The following PCDHGB7 variants were observed in gnomAD, a reference collection of about 807,000 sequenced individuals.
The protein encoded by PCDHGB7 is protocadherin gamma-B7.
A neutral mutation model predicts 61.4 loss-of-function variants in PCDHGB7; 37 were observed. That is an observed-to-expected ratio of 0.60 (90% CI 0.46 to 0.79). The LOEUF (loss-of-function observed/expected upper bound fraction) is 0.79. Among genes scored for constraint, PCDHGB7 ranks in the 30% least tolerant of loss-of-function variants. The pLI is 0.00. For missense variants in PCDHGB7, 1,166 were observed against 1,202.5 expected, an observed-to-expected ratio of 0.97 and a Z score of 0.45; for synonymous variants, 464 against 503.5, an observed-to-expected ratio of 0.92 and a Z score of 1.05.
At position 141,491,410 on chromosome 5, in the gene PCDHGB7, G is replaced by A. The variant is rs777207581; in HGVS notation, c.2416-3397G>A. The A allele has an allele frequency of 1.9e-6, 3 of 1,614,024 alleles. No homozygotes were observed. Among genetic ancestry groups the A allele is most frequent in the Admixed American group, 1.7e-5 (1 of 60,006 alleles). ...GTGCCTTCAGGGAAACGCAGACGGGGACGGGGGTGGAGGGCAGTGCTGCAG... is the reference window on the plus strand; with the variant it reads ...GTGCCTTCAGGGAAACGCAGACGGGAACGGGGGTGGAGGGCAGTGCTGCAG... On this transcript the variant is annotated intron_variant, in intron 1 of 3. Transcript: ENST00000398594. The surrounding 1 kb of genome is among the most constrained non-coding windows in gnomAD (Gnocchi z 6.9).
At chr5:141,499,620 G>A (rs557854340) in intron 2 of PCDHGB7, among the ~76,000 whole-genome samples, 1 of 150,986 alleles carries the variant, frequency 6.6e-6, no homozygotes, top group Non-Finnish European at 1.5e-5. Context: ...TCCTGTCCTT[G>A]GATTCTTTTG....
chr5:141,504,496 G>C (rs2099838771), intron 2 of PCDHGB7, among the ~76,000 whole-genome samples: 1 of 152,100 alleles, frequency 6.6e-6, no homozygotes, highest in Non-Finnish European at 1.5e-5. Flanking sequence ...CACCTGCCCA[G>C]TCTGAGTGGA....
intron 1 of PCDHGB7, chr5:141,422,092 G>C: frequency 6.2e-7 from 1 of 1,611,520 alleles, no homozygotes; most frequent in Non-Finnish European, 8.5e-7. Flanking sequence ...GGAAAGCAAG[G>C]CTTCTGAAAT....
At chr5:141,471,801 CAT>C (rs1165290367) in intron 1 of PCDHGB7, among the ~76,000 whole-genome samples, 1 of 152,114 alleles carries the variant, frequency 6.6e-6, no homozygotes, top group African/African-American at 2.4e-5. Context: ...ATATAAAAGA[CAT>C]ATAAAAGACT....
Position 141,476,480 on chromosome 5 carries a change from G to A in PCDHGB7, c.2416-18327G>A, listed in dbSNP as rs761828753. 1 of 1,614,108 alleles carries A rather than the reference G, an allele frequency of 6.2e-7. No individual in the cohort carries two copies. The highest frequency in any genetic ancestry group is 2.2e-5 in the East Asian group (1 of 44,846). On this transcript the variant is annotated intron_variant, in intron 1 of 3. Transcript: ENST00000398594. This position sits in a 1 kb window ranked among gnomAD's most constrained non-coding sequence, Gnocchi z 7.6. ...GAACCCGCTGGAGCTGTTCAGCGTG[G>A]AAGTGGTGATCCAGGACATCAACGA...
intron 1 of PCDHGB7, chr5:141,428,158 G>A: frequency 6.3e-7 from 1 of 1,577,728 alleles, no homozygotes; most frequent in Non-Finnish European, 8.7e-7. Context: ...GGAACCTGCT[G>A]GTTGCTGTGC....
intron 1 of PCDHGB7, among the ~76,000 whole-genome samples, chr5:141,437,807 G>T (rs910427301): frequency 6.7e-6 from 1 of 149,476 alleles, no homozygotes; most frequent in Non-Finnish European, 1.5e-5. Flanking sequence ...GCACTATCTT[G>T]GCTCACTGCA....
intron 1 of PCDHGB7, chr5:141,423,134 G>A: frequency 6.2e-7 from 1 of 1,613,680 alleles, no homozygotes; most frequent in South Asian, 1.1e-5. Flanking sequence ...CTGCTGGACA[G>A]AGACGCGCTC....
Position 141,418,405 on chromosome 5 carries a change from G to T in PCDHGB7, c.546G>T (p.Glu182Asp). Residue 182 changes from glutamate (E) to aspartate (D), a missense_variant, in exon 1 of 4, where the codon GAG becomes GAT. Coordinates refer to ENST00000398594, the MANE Select transcript of PCDHGB7 (RefSeq NM_018927.4). ...CTAACGAGTATTTCTCATTGGTGGA[G>T]AAAGACAATCCTGATGGTGGCAAAT... ...LSPNEYFSLV[E>D]KDNPDGGKYP... 1 of 1,614,020 alleles carries T rather than the reference G, an allele frequency of 6.2e-7. No individual in the cohort carries two copies. The highest frequency in any genetic ancestry group is 1.3e-5 in the African/African-American group (1 of 75,056).
chr5:141,500,277 C>T (rs1595660442), intron 2 of PCDHGB7, among the ~76,000 whole-genome samples: 1 of 151,718 alleles, frequency 6.6e-6, no homozygotes, highest in Non-Finnish European at 1.5e-5. Context: ...GGCGCAATCT[C>T]GGCTCACTGC....
chr5:141,497,323 G>A lies in PCDHGB7; in HGVS notation c.2474+2458G>A, dbSNP rs373068300. Reference sequence around the variant, plus strand: ...CAGGCCATACACTGGCTTTGAAGCAGAATTCACCATTGAACCTGGAAGCCC... The same window carrying A: ...CAGGCCATACACTGGCTTTGAAGCAAAATTCACCATTGAACCTGGAAGCCC... On this transcript the variant is annotated intron_variant, in intron 2 of 3. Transcript: ENST00000398594. 1.2e-4 allele frequency among the ~76,000 whole-genome samples: 19 copies of A among 152,204 alleles called. No homozygotes were observed. In the East Asian group the frequency reaches 3.5e-3, roughly 28 times the overall value.
chr5:141,432,271 C>T lies in PCDHGB7; in HGVS notation c.2415+11997C>T. On this transcript the variant is annotated intron_variant, in intron 1 of 3. Transcript: ENST00000398594. The surrounding 1 kb of genome is among the most constrained non-coding windows in gnomAD (Gnocchi z 6.0). ...TCCAAGGGGCAAGCCTATCGTCCTA[C>T]GTGTCCATCAACTCCGACACTGGGG... is the stretch of plus-strand genomic sequence containing the variant. The T allele has an allele frequency of 6.2e-7, 1 of 1,614,264 alleles. No individual in the cohort carries two copies. Among genetic ancestry groups the T allele is most frequent in the Non-Finnish European group, 8.5e-7 (1 of 1,180,050 alleles).
chr5:141,429,379 T>G (rs573911129), intron 1 of PCDHGB7, among the ~76,000 whole-genome samples: 5 of 151,382 alleles, frequency 3.3e-5, no homozygotes, highest in East Asian at 1.9e-4. Context: ...GAAAATGTGT[T>G]TTTTTTTTAA....
intron 1 of PCDHGB7, chr5:141,441,671 C>A (rs1027440120): frequency 7.0e-6 from 2 of 287,530 alleles, no homozygotes; most frequent in South Asian, 2.9e-5. Flanking sequence ...GCGCACAGTG[C>A]GCCTTCGACC....
In PCDHGB7 at chr5:141,432,293, G is replaced by C. The variant is rs765631138; in HGVS notation, c.2415+12019G>C. Reference sequence around the variant, plus strand: ...CTACGTGTCCATCAACTCCGACACTGGGGTACTGTATGCGCTGAGCTCCTT... The same window carrying C: ...CTACGTGTCCATCAACTCCGACACTCGGGTACTGTATGCGCTGAGCTCCTT... On this transcript the variant is annotated intron_variant, in intron 1 of 3. Coordinates refer to ENST00000398594, the MANE Select transcript of PCDHGB7 (RefSeq NM_018927.4). This position sits in a 1 kb window ranked among gnomAD's most constrained non-coding sequence, Gnocchi z 6.0. 6.2e-7 allele frequency: 1 copy of C among 1,614,254 alleles called. No individual in the cohort carries two copies.
intron 1 of PCDHGB7, among the ~76,000 whole-genome samples, chr5:141,460,758 C>T (rs1292050905): frequency 6.6e-6 from 1 of 150,582 alleles, no homozygotes; most frequent in African/African-American, 2.4e-5. Context: ...TGTACATATA[C>T]ATATTGCATA....
rs779792543 is a variant in PCDHGB7 at position 141,486,994 on chromosome 5, C to T, written c.2416-7813C>T. ...ATTCAGGTTACAATGCTTGGGTTTCCTATCAGCTCCTGGAGGCCCCAGATC... is the reference window on the plus strand; with the variant it reads ...ATTCAGGTTACAATGCTTGGGTTTCTTATCAGCTCCTGGAGGCCCCAGATC... On this transcript the variant is annotated intron_variant, in intron 1 of 3. Coordinates refer to ENST00000398594, the MANE Select transcript of PCDHGB7 (RefSeq NM_018927.4). This position sits in a 1 kb window ranked among gnomAD's most constrained non-coding sequence, Gnocchi z 5.0. The T allele has an allele frequency of 6.2e-7, 1 of 1,614,214 alleles. No individual in the cohort carries two copies. The highest frequency in any genetic ancestry group is 8.5e-7 in the Non-Finnish European group (1 of 1,180,034).
intron 1 of PCDHGB7, chr5:141,478,214 C>T (rs1258200424): frequency 6.2e-7 from 1 of 1,614,140 alleles, no homozygotes; most frequent in Admixed American, 1.7e-5. Flanking sequence ...TTCTCTAATC[C>T]TGGTTTCTGT....
rs562156266 is a variant in PCDHGB7, at chr5:141,467,826, T to C, written c.2416-26981T>C. On this transcript the variant is annotated intron_variant, in intron 1 of 3. Transcript: ENST00000398594. ...GGCACATGCCACCACACCAGGCTGA[T>C]TTTTATATTTTTTTGTAGAATGAGA... Among the ~76,000 whole-genome samples, 96 of 151,894 alleles carry C rather than the reference T, an allele frequency of 6.3e-4. 3 individuals carry two copies. Among genetic ancestry groups the C allele is most frequent in the Admixed American group, 6.2e-3 (95 of 15,236 alleles).
Sources: allele counts gnomAD v4.1 joint callset (sites outside exome capture counted in the v4.1 genomes callset), GRCh38; gene constraint gnomAD v4.1.1; non-coding constraint Gnocchi (gnomAD v3.1); transcripts MANE v1.5; gene names NCBI Gene and HGNC (gene_info 2026-07-23, HGNC 2026-07-21).